Variants in ZBTB44 observed in about 807,000 individuals in gnomAD.
The protein encoded by ZBTB44 is zinc finger and BTB domain-containing protein 44.
ZBTB44 carries 15 observed loss-of-function variants against 54.0 expected under a neutral mutation model. The ratio of observed to expected loss-of-function variants is 0.28; its 90% confidence interval spans 0.19 to 0.43. The LOEUF is 0.43. Ranked by LOEUF, ZBTB44 falls within the 20% of genes least tolerant of loss-of-function variation. ZBTB44 has a pLI of 1.00. For synonymous variants in ZBTB44, 230 were observed against 250.1 expected (o/e 0.92, Z 0.76); for missense variants, 487 against 707.1 (o/e 0.69, Z 3.53).
intron 2 of ZBTB44, among the ~76,000 whole-genome samples, chr11:130,251,162 T>C (rs1565652521): frequency 2.0e-5 from 3 of 152,048 alleles, no homozygotes; most frequent in South Asian, 2.1e-4. Flanking sequence ...CAAGTATCAA[T>C]AGCTGAATGG....
chr11:130,298,860 A>C (rs978381417), intron 1 of ZBTB44, among the ~76,000 whole-genome samples: 14 of 149,034 alleles, frequency 9.4e-5, no homozygotes, highest in African/African-American at 3.3e-4. Flanking sequence ...CACACACACA[A>C]AACCATCAGT....
chr11:130,286,489 C>A (rs1296999888), intron 1 of ZBTB44, among the ~76,000 whole-genome samples: 2 of 152,180 alleles, frequency 1.3e-5, no homozygotes, highest in African/African-American at 4.8e-5. Flanking sequence ...AATTCTAGAT[C>A]TGCCATAGAC....
At chr11:130,253,258 C>G (rs540072380) in intron 2 of ZBTB44, among the ~76,000 whole-genome samples, 167 of 152,110 alleles carry the variant, frequency 1.1e-3, no homozygotes, top group Middle Eastern at 3.4e-3. Flanking sequence ...TATTCAATTA[C>G]GAAAAGAGGA....
chr11:130,235,960 T>G lies in ZBTB44; in HGVS notation c.1568+833A>C, dbSNP rs1389759228. On this transcript the variant is annotated intron_variant, in intron 5 of 7. Coordinates refer to ENST00000357899, the MANE Select transcript of ZBTB44 (RefSeq NM_001301098.2). The stretch of plus-strand genomic sequence containing the variant: ...ATTCCAGCCTGGGTGACAGTGAGAC[T>G]CCATCTCAAAAAAAAAAAAAAGAAA... 3.3e-5 allele frequency: 23 copies of G among 701,748 alleles called. No homozygotes were observed. The East Asian group carries it at 1.5e-3, about 46-fold the overall frequency. 43.5% of individuals were successfully genotyped at this position (701,748 alleles called of 1,614,324 possible). A position where few individuals can be genotyped will look rare whatever the true frequency, so the allele number is the denominator to read the frequency against.
intron 1 of ZBTB44, among the ~76,000 whole-genome samples, chr11:130,286,289 T>C (rs975360459): frequency 6.6e-6 from 1 of 152,230 alleles, no homozygotes; most frequent in African/African-American, 2.4e-5. Context: ...AAATGACAGA[T>C]ATTAGCCTAT....
At position 130,236,881 on chromosome 11, in the gene ZBTB44, C is replaced by T. The variant is rs777637095; in HGVS notation, c.1480G>A (p.Ala494Thr). 12 of 1,539,662 alleles carry T rather than the reference C, an allele frequency of 7.8e-6. No individual in the cohort carries two copies. Among genetic ancestry groups the T allele is most frequent in the East Asian group, 2.4e-5 (1 of 40,914 alleles). The change falls in exon 5 of 8, where the codon GCC becomes ACC. Residue 494 changes from alanine (A) to threonine (T), a missense_variant. Ala to Thr is a moderately conservative substitution (Grantham distance 58). This residue lies in a region of ZBTB44 where 120 missense variants were observed against 240.3 expected (regional missense o/e 0.50). Transcript: ENST00000357899. ...AAATTTCCAGAGTTGGTGAACATGG[C>T]GCCACATGTTTTGCACTCGTAAATC... Reference protein sequence around the residue: ...PRIYECKTCGAMFTNSGNLIV... With the variant: ...PRIYECKTCGTMFTNSGNLIV...
At chr11:130,238,698 A>G (rs771966062) in intron 3 of ZBTB44, 91 bp from the exon 4 acceptor site, 72 of 1,289,104 alleles carry the variant, frequency 5.6e-5, no homozygotes, top group Non-Finnish European at 7.0e-5. Context: ...AAAAAAGATA[A>G]AACACTTAAA....
At chr11:130,302,431 T>C (rs1239461090) in intron 1 of ZBTB44, among the ~76,000 whole-genome samples, 1 of 152,060 alleles carries the variant, frequency 6.6e-6, no homozygotes, top group Non-Finnish European at 1.5e-5. Context: ...TTCCTGTAAA[T>C]AAAAATAATT....
At chr11:130,250,862 T>C (rs7934533) in intron 2 of ZBTB44, among the ~76,000 whole-genome samples, 3 of 152,020 alleles carry the variant, frequency 2.0e-5, no homozygotes, top group Admixed American at 2.0e-4. Context: ...TGCTGAAAAT[T>C]CCAAAAACCA....
chr11:130,313,253 CAAGT>C (rs2134575336), intron 1 of ZBTB44, among the ~76,000 whole-genome samples: 1 of 152,264 alleles, frequency 6.6e-6, no homozygotes, highest in South Asian at 2.1e-4. Flanking sequence ...CTATAAAATT[CAAGT>C]AATAATATCT....
intron 1 of ZBTB44, among the ~76,000 whole-genome samples, chr11:130,284,323 C>T (rs1256182826): frequency 2.6e-5 from 4 of 152,172 alleles, no homozygotes; most frequent in Non-Finnish European, 2.9e-5. Context: ...AAAGTTTATT[C>T]ATTGGTAAAA....
intron 2 of ZBTB44, among the ~76,000 whole-genome samples, chr11:130,251,057 A>G (rs1310634984): frequency 2.6e-5 from 4 of 152,244 alleles, no homozygotes; most frequent in Admixed American, 2.0e-4. Context: ...ACAAAAGGTT[A>G]CAGCAACTGC....
Position 130,239,799 on chromosome 11 carries a change from T to C in ZBTB44, c.1103+13A>G, listed in dbSNP as rs370739858. On this transcript the variant is annotated intron_variant, in intron 3 of 7. Transcript: ENST00000357899. ...ACCCTTAAGAGGTAACGAAATGCTA[T>C]GTTAGTACTGACCGATCATCATCAT... 1.2e-5 allele frequency: 19 copies of C among 1,608,268 alleles called. No homozygotes were observed. The highest frequency in any genetic ancestry group is 1.6e-5 in the Non-Finnish European group (19 of 1,175,984).
intron 1 of ZBTB44, among the ~76,000 whole-genome samples, chr11:130,312,072 T>C (rs956563081): frequency 6.6e-6 from 1 of 152,180 alleles, no homozygotes; most frequent in African/African-American, 2.4e-5. Context: ...ACTATGAATA[T>C]TGAAAAGTAA....
chr11:130,252,984 G>A (rs1938143500), intron 2 of ZBTB44, among the ~76,000 whole-genome samples: 1 of 152,176 alleles, frequency 6.6e-6, no homozygotes, highest in Admixed American at 6.5e-5. Context: ...ATCAACAGAT[G>A]CAGAAAAGGC....
intron 2 of ZBTB44, among the ~76,000 whole-genome samples, chr11:130,256,084 C>T (rs190744311): frequency 1.1e-4 from 17 of 152,200 alleles, no homozygotes; most frequent in South Asian, 6.2e-4. Context: ...CTCCCTAACT[C>T]ATTTTATGAG....
intron 2 of ZBTB44, among the ~76,000 whole-genome samples, chr11:130,254,689 T>G (rs1938296795): frequency 1.3e-5 from 2 of 152,138 alleles, no homozygotes; most frequent in African/African-American, 4.8e-5. Flanking sequence ...GATCTAGAAC[T>G]AGAAATACCA....
At chr11:130,235,544 G>A (rs1421471277) in intron 5 of ZBTB44, among the ~76,000 whole-genome samples, 1 of 152,148 alleles carries the variant, frequency 6.6e-6, no homozygotes, top group Non-Finnish European at 1.5e-5. Flanking sequence ...GCCCACACTT[G>A]TAGCCCCAGC....
At chr11:130,311,576 G>A (rs1396959969) in intron 1 of ZBTB44, among the ~76,000 whole-genome samples, 2 of 152,154 alleles carry the variant, frequency 1.3e-5, no homozygotes, top group Non-Finnish European at 2.9e-5. Flanking sequence ...AGTCAAGGAA[G>A]AAAAAGTCTG....
Sources: allele counts gnomAD v4.1 joint callset (sites outside exome capture counted in the v4.1 genomes callset), GRCh38; gene constraint gnomAD v4.1.1; regional missense constraint gnomAD v4.1.1; transcripts MANE v1.5; gene names NCBI Gene and HGNC (gene_info 2026-07-23, HGNC 2026-07-21).